Variants in FOXN3 observed in about 807,000 individuals in gnomAD.
The protein encoded by FOXN3 is forkhead box N3.
A neutral mutation model predicts 38.4 loss-of-function variants in FOXN3; 7 were observed. The ratio of observed to expected loss-of-function variants is 0.18; its 90% CI spans 0.10 to 0.34. The LOEUF is 0.34. Ranked by LOEUF, FOXN3 falls within the 10% of genes least tolerant of loss-of-function variation. The pLI is 1.00. For missense variants in FOXN3, 456 were observed against 613.4 expected (o/e 0.74, Z 2.71); for synonymous variants, 230 against 242.2 (o/e 0.95, Z 0.47).
intron 2 of FOXN3, among the ~76,000 whole-genome samples, chr14:89,380,934 G>A (rs1890625949): frequency 6.6e-6 from 1 of 151,942 alleles, no homozygotes; most frequent in Non-Finnish European, 1.5e-5. Flanking sequence ...TTGAGGTCAA[G>A]GTTTCAAAAC....
intron 4 of FOXN3, among the ~76,000 whole-genome samples, chr14:89,217,743 C>A (rs75739717): frequency 0.049 from 7,477 of 152,270 alleles, 438 homozygotes; most frequent in African/African-American, 0.14. Context: ...CCCATGCCCA[C>A]CCATGGGTCC....
intron 1 of FOXN3, among the ~76,000 whole-genome samples, chr14:89,604,575 C>A (rs1426602146): frequency 6.6e-6 from 1 of 152,092 alleles, no homozygotes; most frequent in African/African-American, 2.4e-5. Flanking sequence ...ATAACATATG[C>A]TTAATCTCAA....
At chr14:89,355,389 G>A (rs12437010) in intron 2 of FOXN3, 2 of 87,944 alleles carry the variant, frequency 2.3e-5, no homozygotes, top group Admixed American at 1.2e-4. Context: ...CACTATGCCC[G>A]ACTATTTTCT....
intron 1 of FOXN3, among the ~76,000 whole-genome samples, chr14:89,471,950 G>C (rs1893103818): frequency 6.6e-6 from 1 of 152,162 alleles, no homozygotes; most frequent in South Asian, 2.1e-4. Context: ...CAGAAATGTA[G>C]AGTAAGCAAG....
At chr14:89,380,877 C>T (rs969421250) in intron 2 of FOXN3, among the ~76,000 whole-genome samples, 4 of 152,128 alleles carry the variant, frequency 2.6e-5, no homozygotes, top group African/African-American at 9.7e-5. Context: ...CGTGGTGGCT[C>T]ATGCCTATAA....
Position 89,166,620 on chromosome 14 carries a change from T to C in FOXN3, c.852-3651A>G, listed in dbSNP as rs187754205. ...TACTGTGATGAAGACAGAAAACCAATACATCCACTGATAATATTTCTGGAT... is the reference window on the plus strand; with the variant it reads ...TACTGTGATGAAGACAGAAAACCAACACATCCACTGATAATATTTCTGGAT... On this transcript the variant is annotated intron_variant, in intron 5 of 5. Transcript: ENST00000557258. Among the ~76,000 whole-genome samples, 20 of 152,322 alleles carry C rather than the reference T, an allele frequency of 1.3e-4. No individual in the cohort carries two copies. In the East Asian group the frequency reaches 3.9e-3, roughly 29 times the overall value.
intron 2 of FOXN3, among the ~76,000 whole-genome samples, chr14:89,360,635 G>A (rs1394370730): frequency 6.6e-6 from 1 of 151,372 alleles, no homozygotes; most frequent in Non-Finnish European, 1.5e-5. Flanking sequence ...GGAAGGCTGG[G>A]GCAAGAGCTG....
intron 3 of FOXN3, among the ~76,000 whole-genome samples, chr14:89,339,525 C>T (rs181121971): frequency 4.5e-4 from 69 of 152,306 alleles, no homozygotes; most frequent in South Asian, 2.5e-3. Context: ...TCTCTCGGAT[C>T]CTGCTCCTTC....
intron 1 of FOXN3, among the ~76,000 whole-genome samples, chr14:89,589,741 G>A (rs567140892): frequency 2.0e-4 from 26 of 128,112 alleles, no homozygotes; most frequent in African/African-American, 7.1e-4. Context: ...CGGGGGGGCG[G>A]GGGGTGCCTA....
At chr14:89,271,492 A>G (rs1886149992) in intron 4 of FOXN3, among the ~76,000 whole-genome samples, 1 of 152,266 alleles carries the variant, frequency 6.6e-6, no homozygotes, top group South Asian at 2.1e-4. Flanking sequence ...AAATAAGGAA[A>G]GATTCCTATA....
At chr14:89,321,563 T>C (rs950186565) in intron 3 of FOXN3, among the ~76,000 whole-genome samples, 2 of 151,944 alleles carry the variant, frequency 1.3e-5, no homozygotes, top group South Asian at 2.1e-4. Flanking sequence ...GGTGACAGAG[T>C]GAGATTCTGT....
At chr14:89,506,849 CAT>C (rs1893951299) in intron 1 of FOXN3, among the ~76,000 whole-genome samples, 1 of 152,184 alleles carries the variant, frequency 6.6e-6, no homozygotes, top group Non-Finnish European at 1.5e-5. Context: ...CTCACTGAAA[CAT>C]GTGCTGTGTC....
intron 1 of FOXN3, among the ~76,000 whole-genome samples, chr14:89,538,829 A>ATTAT (rs1894740275): frequency 1.3e-5 from 2 of 150,910 alleles, no homozygotes; most frequent in Non-Finnish European, 3.0e-5. Context: ...TTTTATTATT[A>ATTAT]TTATTTATTT....
chr14:89,192,577 T>C (rs1020552896), intron 4 of FOXN3, among the ~76,000 whole-genome samples: 1 of 141,704 alleles, frequency 7.1e-6, no homozygotes, highest in South Asian at 2.2e-4. Context: ...ATAACACATA[T>C]GTTATATGTA....
intron 1 of FOXN3, among the ~76,000 whole-genome samples, chr14:89,500,911 T>C (rs1177701915): frequency 6.6e-6 from 1 of 152,178 alleles, no homozygotes; most frequent in African/African-American, 2.4e-5. Context: ...AATGGAAACG[T>C]CTCCTTTTCA....
At chr14:89,466,244 G>A (rs1892973926) in intron 1 of FOXN3, among the ~76,000 whole-genome samples, 1 of 152,018 alleles carries the variant, frequency 6.6e-6, no homozygotes, top group South Asian at 2.1e-4. Context: ...GTCGTCTAAG[G>A]CATTCAAGTT....
chr14:89,609,895 G>A (rs551415603), intron 1 of FOXN3, among the ~76,000 whole-genome samples: 11 of 152,184 alleles, frequency 7.2e-5, no homozygotes, highest in African/African-American at 2.4e-4. Context: ...AAACGAGGGC[G>A]GGGGCGGCGG....
chr14:89,327,207 T>C (rs1888109853), intron 3 of FOXN3, among the ~76,000 whole-genome samples: 1 of 152,178 alleles, frequency 6.6e-6, no homozygotes, highest in East Asian at 1.9e-4. Flanking sequence ...GTGAGATTTA[T>C]ATACAAAGCA....
At chr14:89,258,815 T>A (rs369057061) in intron 4 of FOXN3, among the ~76,000 whole-genome samples, 1 of 152,240 alleles carries the variant, frequency 6.6e-6, no homozygotes, top group Admixed American at 6.5e-5. Context: ...CTTGGGAATG[T>A]GCCCAGGTCT....
Sources: gnomAD v4.1 joint callset for allele counts (sites outside exome capture counted in the v4.1 genomes callset) on GRCh38, gnomAD v4.1.1 for gene constraint, MANE v1.5 for transcripts, NCBI Gene and HGNC (gene_info 2026-07-23, HGNC 2026-07-21) for gene names.